The following TOP1 variants were observed in gnomAD, a reference collection of about 807,000 sequenced individuals.
TOP1 encodes the protein DNA topoisomerase I.
In TOP1, 10 loss-of-function variants were observed where a neutral mutation model predicts 111.1. That is an observed-to-expected ratio of 0.09 (90% CI 0.06 to 0.15). The LOEUF (loss-of-function observed/expected upper bound fraction) is 0.15. Ranked by LOEUF, TOP1 falls within the 10% of genes least tolerant of loss-of-function variation. TOP1 has a pLI of 1.00. For synonymous variants in TOP1, 271 were observed against 302.9 expected (o/e 0.89, Z 1.10); for missense variants, 474 against 926.7 (o/e 0.51, Z 6.34).
rs912184212 is a variant in TOP1 at position 41,083,676 on chromosome 20, A to G, written c.508-786A>G. 1.3e-5 allele frequency among the ~76,000 whole-genome samples: 2 copies of G among 152,220 alleles called. No individual in the cohort carries two copies. The highest frequency in any genetic ancestry group is 4.8e-5 in the African/African-American group (2 of 41,454). On this transcript the variant is annotated intron_variant, in intron 7 of 20. Transcript: ENST00000361337. The surrounding 1 kb of genome is among the most constrained non-coding windows in gnomAD (Gnocchi z 7.2). ...AAAACTTGTTGAATAAAGACTGAAT[A>G]AGTAGTTAAATTATGTTGAATAGGC...
chr20:41,040,803 C>CAAA (rs58729802), intron 2 of TOP1, among the ~76,000 whole-genome samples: 42 of 80,326 alleles, frequency 5.2e-4, no homozygotes, highest in African/African-American at 1.1e-3. Context: ...GGCATCGTCT[C>CAAA]AAAAAAAAAA....
Position 41,030,204 on chromosome 20 carries a change from T to G in TOP1, c.58+749T>G, listed in dbSNP as rs2033100968. ...TCTGTGGGTCACCCAATGTAAATGT[T>G]GGATTTTTAAAAAATTATGTTAGTC... On this transcript the variant is annotated intron_variant, in intron 2 of 20. Transcript: ENST00000361337. The surrounding 1 kb of genome is among the most constrained non-coding windows in gnomAD (Gnocchi z 4.1). Among the ~76,000 whole-genome samples the G allele has an allele frequency of 6.6e-6, 1 of 152,216 alleles. No individual in the cohort carries two copies. The highest frequency in any genetic ancestry group is 6.5e-5 in the Admixed American group (1 of 15,282).
rs2033964009 is a variant in TOP1 at position 41,094,936 on chromosome 20, G to A, written c.731-2284G>A. 3.3e-5 allele frequency among the ~76,000 whole-genome samples: 5 copies of A among 152,148 alleles called. No individual in the cohort carries two copies. The highest frequency in any genetic ancestry group is 3.3e-4 in the Admixed American group (5 of 15,274). On this transcript the variant is annotated intron_variant, in intron 9 of 20. Transcript: ENST00000361337. The surrounding 1 kb of genome is among the most constrained non-coding windows in gnomAD (Gnocchi z 4.4). ...TCCTCCCACTACTCTGATGCAGGGAGCCATCATTTCATCTTTTGACAGCTC... is the reference window on the plus strand; with the variant it reads ...TCCTCCCACTACTCTGATGCAGGGAACCATCATTTCATCTTTTGACAGCTC...
Position 41,079,413 on chromosome 20 carries a change from T to C in TOP1, c.336-672T>C, listed in dbSNP as rs1232277622. On this transcript the variant is annotated intron_variant, in intron 5 of 20. Coordinates refer to ENST00000361337, the MANE Select transcript of TOP1 (RefSeq NM_003286.4). This position sits in a 1 kb window ranked among gnomAD's most constrained non-coding sequence, Gnocchi z 4.0. ...TCAAAGGATTGTCTTTTTATATTTATATTTTGAAGGTAAGATCTTAACAAA... is the reference window on the plus strand; with the variant it reads ...TCAAAGGATTGTCTTTTTATATTTACATTTTGAAGGTAAGATCTTAACAAA... Among the ~76,000 whole-genome samples, 1 of 152,238 alleles carries C rather than the reference T, an allele frequency of 6.6e-6. No homozygotes were observed. The highest frequency in any genetic ancestry group is 2.4e-5 in the African/African-American group (1 of 41,460).
intron 13 of TOP1, among the ~76,000 whole-genome samples, chr20:41,107,733 T>C (rs2034169834): frequency 1.3e-5 from 2 of 152,244 alleles, no homozygotes; most frequent in Admixed American, 1.3e-4. Flanking sequence ...GCCATTTTCC[T>C]TGTGTCTTTT....
rs1183476629 is a variant in TOP1 at position 41,112,287 on chromosome 20, T to C, written c.1309-495T>C. The stretch of plus-strand genomic sequence containing the variant: ...AGAAAACTGCTATTGGGTCACAGAG[T>C]TGGCAGCAAGGCTGTGAAATTGATG... On this transcript the variant is annotated intron_variant, in intron 13 of 20. Coordinates refer to ENST00000361337, the MANE Select transcript of TOP1 (RefSeq NM_003286.4). This position sits in a 1 kb window ranked among gnomAD's most constrained non-coding sequence, Gnocchi z 5.8. 6.6e-6 allele frequency among the ~76,000 whole-genome samples: 1 copy of C among 152,178 alleles called. No homozygotes were observed. The highest frequency in any genetic ancestry group is 2.4e-5 in the African/African-American group (1 of 41,450).
chr20:41,095,673 A>G lies in TOP1; in HGVS notation c.731-1547A>G, dbSNP rs1187277105. ...CTGCAAAGTCAGATTGCATATCATT[A>G]TGAGATAAGATGTCTTCTGAGTTTT... On this transcript the variant is annotated intron_variant, in intron 9 of 20. Coordinates refer to ENST00000361337, the MANE Select transcript of TOP1 (RefSeq NM_003286.4). This position sits in a 1 kb window ranked among gnomAD's most constrained non-coding sequence, Gnocchi z 4.6. 6.6e-6 allele frequency among the ~76,000 whole-genome samples: 1 copy of G among 152,212 alleles called. No homozygotes were observed. Among genetic ancestry groups the G allele is most frequent in the African/African-American group, 2.4e-5 (1 of 41,452 alleles).
At chr20:41,057,688 GTCT>G (rs1342817788) in intron 2 of TOP1, among the ~76,000 whole-genome samples, 3 of 152,056 alleles carry the variant, frequency 2.0e-5, no homozygotes, top group African/African-American at 7.2e-5. Flanking sequence ...CTGTATTCCA[GTCT>G]TCTTCATATG....
chr20:41,084,425 C>CTT (rs1568689979), intron 7 of TOP1, 37 bp from the exon 8 acceptor site: 3 of 1,352,330 alleles, frequency 2.2e-6, no homozygotes, highest in Non-Finnish European at 3.0e-6. Context: ...TGTGATCAGT[C>CTT]TTTATTTAAG....
chr20:41,095,378 A>ATT lies in TOP1; in HGVS notation c.731-1836_731-1835dup. 6.6e-6 allele frequency among the ~76,000 whole-genome samples: 1 copy of ATT among 151,882 alleles called. No homozygotes were observed. The highest frequency in any genetic ancestry group is 1.9e-4 in the East Asian group (1 of 5,168). On this transcript the variant is annotated intron_variant, in intron 9 of 20. Transcript: ENST00000361337. The surrounding 1 kb of genome is among the most constrained non-coding windows in gnomAD (Gnocchi z 4.6). ...TTTTTAAATGGTGTTAACAGTTTAC[A>ATT]TTTTTTTCTTGCCATTTTATTTCAT... is the stretch of plus-strand genomic sequence containing the variant.
Position 41,102,287 on chromosome 20 carries a change from C to A in TOP1, c.1308+934C>A, listed in dbSNP as rs923824924. The stretch of plus-strand genomic sequence containing the variant: ...ATCACTACTTTTCTAATGAAAAATA[C>A]CTGTTTATATATTTTCTCCAATTAT... On this transcript the variant is annotated intron_variant, in intron 13 of 20. Coordinates refer to ENST00000361337, the MANE Select transcript of TOP1 (RefSeq NM_003286.4). This position sits in a 1 kb window ranked among gnomAD's most constrained non-coding sequence, Gnocchi z 4.0. Among the ~76,000 whole-genome samples, 2 of 152,142 alleles carry A rather than the reference C, an allele frequency of 1.3e-5. No individual in the cohort carries two copies. Among genetic ancestry groups the A allele is most frequent in the Non-Finnish European group, 2.9e-5 (2 of 68,026 alleles).
intron 13 of TOP1, among the ~76,000 whole-genome samples, chr20:41,104,404 G>T (rs2034112677): frequency 6.6e-6 from 1 of 152,202 alleles, no homozygotes; most frequent in Non-Finnish European, 1.5e-5. Flanking sequence ...GATGGCAATG[G>T]GGATGGAGAG....
chr20:41,108,384 A>G (rs1266491532), intron 13 of TOP1, among the ~76,000 whole-genome samples: 3 of 152,224 alleles, frequency 2.0e-5, no homozygotes, highest in Admixed American at 2.0e-4. Flanking sequence ...AGGGGTAAAA[A>G]GCACAAAGTT....
In TOP1 at chr20:41,092,541, C is replaced by T. The variant is rs969717537; in HGVS notation, c.684C>T (p.Ala228=). The T allele has an allele frequency of 6.2e-7, 1 of 1,607,306 alleles. No individual in the cohort carries two copies. The highest frequency in any genetic ancestry group is 8.5e-7 in the Non-Finnish European group (1 of 1,176,738). The change falls in exon 9 of 21, where the codon GCC becomes GCT. Residue 228 remains alanine (A), a synonymous_variant. Transcript: ENST00000361337. This position sits in a 1 kb window ranked among gnomAD's most constrained non-coding sequence, Gnocchi z 4.3. ...TAGAACATAAAGGTCCAGTATTTGC[C>T]CCACCATATGAGCCTCTTCCAGAGA... ...KFLEHKGPVF[A]PPYEPLPENV... is the part of the protein sequence containing the mutation.
At chr20:41,072,111 T>C (rs1287616928) in intron 3 of TOP1, among the ~76,000 whole-genome samples, 1 of 152,232 alleles carries the variant, frequency 6.6e-6, no homozygotes, top group Admixed American at 6.5e-5. Flanking sequence ...CCTTTCAGGG[T>C]ATCTAGCATT....
rs1361142154 is a variant in TOP1 at position 41,083,390 on chromosome 20, A to G, written c.508-1072A>G. Reference sequence around the variant, plus strand: ...AAGCTTTCCTCTTTTTTCTATTCCTATCTTGATTGCCATCCTATTATGAGG... The same window carrying G: ...AAGCTTTCCTCTTTTTTCTATTCCTGTCTTGATTGCCATCCTATTATGAGG... On this transcript the variant is annotated intron_variant, in intron 7 of 20. Transcript: ENST00000361337. This position sits in a 1 kb window ranked among gnomAD's most constrained non-coding sequence, Gnocchi z 7.2. Among the ~76,000 whole-genome samples, 1 of 152,074 alleles carries G rather than the reference A, an allele frequency of 6.6e-6. No homozygotes were observed.
chr20:41,088,723 C>A (rs6072269), intron 8 of TOP1, among the ~76,000 whole-genome samples: 19,251 of 151,880 alleles, frequency 0.13, 1,416 homozygotes, highest in Non-Finnish European at 0.15. Flanking sequence ...GCATTGAGAT[C>A]CTTCTATTAA....
At chr20:41,093,950 G>C (rs1343284961) in intron 9 of TOP1, among the ~76,000 whole-genome samples, 4 of 152,198 alleles carry the variant, frequency 2.6e-5, no homozygotes, top group African/African-American at 9.7e-5. Flanking sequence ...CTACTCGGGA[G>C]GCTAAGGTGG....
intron 2 of TOP1, among the ~76,000 whole-genome samples, chr20:41,041,087 C>T (rs180942461): frequency 6.6e-6 from 1 of 152,212 alleles, no homozygotes; most frequent in Admixed American, 6.5e-5. Flanking sequence ...TAACCCCAAG[C>T]CAGAAGTGTA....
Sources: gnomAD v4.1 joint callset for allele counts (sites outside exome capture counted in the v4.1 genomes callset) on GRCh38, gnomAD v4.1.1 for gene constraint, Gnocchi (gnomAD v3.1) non-coding constraint, MANE v1.5 for transcripts, NCBI Gene and HGNC (gene_info 2026-07-23, HGNC 2026-07-21) for gene names.